The following LINC00305 variants were observed in gnomAD, a reference collection of about 807,000 sequenced individuals.
LINC00305 encodes the protein long independently transcribed non-coding RNA 305.
chr18:64,110,803 G>T (rs754447541), intron 1 of LINC00305, among the ~76,000 whole-genome samples: 1 of 152,214 alleles, frequency 6.6e-6, no homozygotes, highest in Non-Finnish European at 1.5e-5. Flanking sequence ...ACACTGGCTG[G>T]TTCATTCATG....
chr18:64,098,363 A>G (rs1398053769), intron 2 of LINC00305, among the ~76,000 whole-genome samples: 1 of 152,180 alleles, frequency 6.6e-6, no homozygotes, highest in Non-Finnish European at 1.5e-5. Flanking sequence ...AATAAGGAGG[A>G]TAATTCTTTT....
At chr18:64,098,195 A>G (rs1364625515) in intron 2 of LINC00305, among the ~76,000 whole-genome samples, 1 of 152,230 alleles carries the variant, frequency 6.6e-6, no homozygotes, top group African/African-American at 2.4e-5. Context: ...CAATATTCAG[A>G]TTTTAAAAAC....
At chr18:64,133,910 A>T (rs560846677) in intron 1 of LINC00305, among the ~76,000 whole-genome samples, 37 of 152,324 alleles carry the variant, frequency 2.4e-4, no homozygotes, top group African/African-American at 8.4e-4. Flanking sequence ...TCAAAGTAGA[A>T]CTTTACCCTA....
At chr18:64,090,520 G>A (rs761795838) in intron 3 of LINC00305, among the ~76,000 whole-genome samples, 1 of 152,184 alleles carries the variant, frequency 6.6e-6, no homozygotes, top group Non-Finnish European at 1.5e-5. Context: ...TTACCCGAAA[G>A]GGTTTATGTG....
At chr18:64,103,070 T>C (rs2051274152) in intron 1 of LINC00305, among the ~76,000 whole-genome samples, 1 of 152,206 alleles carries the variant, frequency 6.6e-6, no homozygotes, top group African/African-American at 2.4e-5. Flanking sequence ...TCTTAATTCC[T>C]TCTTATTTGA....
intron 1 of LINC00305, among the ~76,000 whole-genome samples, chr18:64,110,928 A>C (rs1403962195): frequency 2.6e-5 from 4 of 152,250 alleles, no homozygotes; most frequent in Middle Eastern, 3.4e-3. Flanking sequence ...CTCTGAAAGC[A>C]CTTCTCCGTT....
chr18:64,097,904 C>T (rs772862569), exon 3 of LINC00305: 2 of 457,970 alleles, frequency 4.4e-6, no homozygotes, highest in Non-Finnish European at 8.8e-6. Context: ...CACATTTGAC[C>T]TTTGTAAGTG....
intron 3 of LINC00305, among the ~76,000 whole-genome samples, chr18:64,082,405 A>G (rs1474594420): frequency 1.3e-5 from 2 of 152,290 alleles, no homozygotes; most frequent in Non-Finnish European, 2.9e-5. Flanking sequence ...AAAAAACCTC[A>G]GTCTCCACAT....
chr18:64,148,274 A>G (rs1426433538), intron 1 of LINC00305, among the ~76,000 whole-genome samples: 4 of 152,106 alleles, frequency 2.6e-5, no homozygotes, highest in Non-Finnish European at 5.9e-5. Context: ...ATCTGAACCT[A>G]TAGTGACCAG....
At chr18:64,140,288 A>C (rs959445260) in intron 1 of LINC00305, among the ~76,000 whole-genome samples, 9 of 152,004 alleles carry the variant, frequency 5.9e-5, no homozygotes, top group South Asian at 2.1e-4. Flanking sequence ...AGCTCACTGC[A>C]ACCTCTGCCT....
intron 1 of LINC00305, among the ~76,000 whole-genome samples, chr18:64,109,987 T>A (rs1261641035): frequency 2.0e-5 from 3 of 152,200 alleles, no homozygotes; most frequent in Non-Finnish European, 4.4e-5. Flanking sequence ...AATTTTTTTT[T>A]AAGCTCATCA....
chr18:64,125,220 C>T (rs536535384), intron 1 of LINC00305, among the ~76,000 whole-genome samples: 11 of 152,172 alleles, frequency 7.2e-5, no homozygotes, highest in African/African-American at 2.6e-4. Context: ...CTGAGGACAA[C>T]TTGTAAAAGT....
chr18:64,111,200 T>C (rs2051313226), intron 1 of LINC00305, among the ~76,000 whole-genome samples: 1 of 152,202 alleles, frequency 6.6e-6, no homozygotes. Context: ...TATTGTGACA[T>C]ACCATGTTTT....
chr18:64,102,080 GT>G (rs2051269603), intron 1 of LINC00305, among the ~76,000 whole-genome samples: 1 of 152,134 alleles, frequency 6.6e-6, no homozygotes. Flanking sequence ...ATCATCCTGT[GT>G]TCCGATGCCC....
Position 64,103,026 on chromosome 18 carries a change from A to T in LINC00305, n.315-4386T>A, listed in dbSNP as rs996606685. 5.3e-5 allele frequency among the ~76,000 whole-genome samples: 8 copies of T among 152,174 alleles called. 1 individual carries two copies. The highest frequency in any genetic ancestry group is 3.9e-4 in the Admixed American group (6 of 15,278). ...GCAGGACGAGCATGCTCTGTAGTGG[A>T]TTAGTTCTCATGATTCCTAACACCT... is the stretch of plus-strand genomic sequence containing the variant. On this transcript the variant is annotated intron_variant and non_coding_transcript_variant, in intron 1 of 3. Coordinates refer to ENST00000666468, the Ensembl canonical transcript of LINC00305.
intron 2 of LINC00305, among the ~76,000 whole-genome samples, chr18:64,098,237 G>A (rs1192714716): frequency 2.6e-5 from 4 of 152,110 alleles, no homozygotes; most frequent in South Asian, 2.1e-4. Context: ...CTTCGTAAGC[G>A]ATTCATAAAC....
intron 3 of LINC00305, among the ~76,000 whole-genome samples, chr18:64,084,373 C>T (rs558248684): frequency 5.6e-4 from 86 of 152,242 alleles, no homozygotes; most frequent in Middle Eastern, 3.4e-3. Flanking sequence ...GTTTGTACAA[C>T]AAACCCCCGT....
chr18:64,106,486 T>C (rs1442796470), intron 1 of LINC00305, among the ~76,000 whole-genome samples: 1 of 152,284 alleles, frequency 6.6e-6, no homozygotes, highest in Non-Finnish European at 1.5e-5. Flanking sequence ...AGATGCCCTC[T>C]CCCTCTGCCC....
At chr18:64,145,375 G>A (rs905005385) in intron 1 of LINC00305, among the ~76,000 whole-genome samples, 2 of 151,862 alleles carry the variant, frequency 1.3e-5, no homozygotes, top group Non-Finnish European at 2.9e-5. Context: ...ACCTACCCCC[G>A]CCCTGACTAA....
Sources: allele counts gnomAD v4.1 joint callset (sites outside exome capture counted in the v4.1 genomes callset), GRCh38; gene constraint gnomAD v4.1.1; transcripts MANE v1.5; gene names NCBI Gene and HGNC (gene_info 2026-07-23, HGNC 2026-07-21).